CALML4: variants seen among roughly 807,000 people sequenced by gnomAD.
CALML4 encodes the protein calmodulin like 4.
CALML4 carries 16 observed loss-of-function variants against 17.9 expected under a neutral mutation model. That is an observed-to-expected ratio of 0.89 (90% CI 0.61 to 1.36). The LOEUF is 1.36. Ranked by LOEUF, CALML4 falls within the 40% of genes most tolerant of loss-of-function variation. The pLI, the probability that CALML4 is intolerant of heterozygous loss-of-function variation, is 0.00. For synonymous variants in CALML4, 86 were observed against 71.5 expected (o/e 1.20, Z -1.02); for missense variants, 203 against 194.8 (o/e 1.04, Z -0.25).
At chr15:68,201,650 C>CT (rs1350763544) in intron 2 of CALML4, among the ~76,000 whole-genome samples, 1 of 152,202 alleles carries the variant, frequency 6.6e-6, no homozygotes, top group African/African-American at 2.4e-5. Context: ...CTGTCAGTCA[C>CT]TGGGGGCCTG....
rs1324829884 is a variant in CALML4, at chr15:68,199,728, G to GC, written c.35-48dup. 3 of 1,570,990 alleles carry GC rather than the reference G, an allele frequency of 1.9e-6. No individual in the cohort carries two copies. The African/African-American group carries it at 4.1e-5, about 21-fold the overall frequency. On this transcript the variant is annotated intron_variant, in intron 2 of 4. Transcript: ENST00000467889. ...GGTCAGCAGCGTCTGGTCACTCTCC[G>GC]CCCATGCCGCCCTCCCCATCCTTAG...
At chr15:68,205,426 A>G (rs762710599), upstream of CALML4, 1 of 1,609,300 alleles carries the variant, frequency 6.2e-7, no homozygotes, top group Non-Finnish European at 8.5e-7. The surrounding 1 kb of genome is among the most constrained non-coding windows in gnomAD (Gnocchi z 4.8). Flanking sequence ...TCCTGAGCAC[A>G]GCTCATGACC....
rs534547176 is a variant in CALML4 at position 68,191,715 on chromosome 15, A to G, written c.*2300T>C. Reference sequence around the variant, plus strand: ...TTTAGTATCTGCAGTTTGAATGCTAAGAGCACCGTGGCCTTCTTGTAAACA... The same window carrying G: ...TTTAGTATCTGCAGTTTGAATGCTAGGAGCACCGTGGCCTTCTTGTAAACA... On this transcript the variant is annotated 3_prime_UTR_variant, in exon 5 of 5. Transcript: ENST00000467889. The G allele has an allele frequency of 8.5e-5, 13 of 152,514 alleles. No homozygotes were observed. Among genetic ancestry groups the G allele is most frequent in the African/African-American group, 2.9e-4 (12 of 41,596 alleles). 9.4% of individuals were successfully genotyped at this position (152,514 alleles called of 1,614,324 possible).
At chr15:68,202,586 G>A (rs1213302084) in intron 2 of CALML4, among the ~76,000 whole-genome samples, 1 of 151,408 alleles carries the variant, frequency 6.6e-6, no homozygotes, top group African/African-American at 2.4e-5. Context: ...GCAAGACTCT[G>A]TCTCAAATAA....
intron 3 of CALML4, chr15:68,198,476 TC>T (rs2093153526): frequency 6.6e-6 from 1 of 152,182 alleles, no homozygotes; most frequent in Non-Finnish European, 1.5e-5. Flanking sequence ...CGGATGCCCT[TC>T]CCCTGCGCCA....
chr15:68,193,379 CTG>C lies in CALML4; in HGVS notation c.*634_*635del, dbSNP rs1029199036. 6.6e-5 allele frequency: 10 copies of C among 152,400 alleles called. No individual in the cohort carries two copies. Among genetic ancestry groups the C allele is most frequent in the East Asian group, 1.9e-4 (1 of 5,210 alleles). The allele number at this position is 152,400 out of a possible 1,614,324, so 9.4% of individuals were successfully genotyped here. A position where few individuals can be genotyped will look rare whatever the true frequency, so the allele number is the denominator to read the frequency against. ...CACTCTAGTGTTTTCACTCTACACT[CTG>C]TGTTTATGAATGAATAGCCTGAGCT... On this transcript the variant is annotated 3_prime_UTR_variant, in exon 5 of 5. Coordinates refer to ENST00000467889, the MANE Select transcript of CALML4 (RefSeq NM_033429.3).
chr15:68,205,392 C>T (rs775632304), upstream of CALML4: 24 of 1,613,260 alleles, frequency 1.5e-5, no homozygotes, highest in East Asian at 2.7e-4. The surrounding 1 kb of genome is among the most constrained non-coding windows in gnomAD (Gnocchi z 4.8). Flanking sequence ...CTGGGCCCGA[C>T]GCCACCAGGG....
upstream of CALML4, chr15:68,205,719 CAG>C (rs1385429531): frequency 1.4e-5 from 4 of 288,248 alleles, no homozygotes; most frequent in Admixed American, 1.3e-4. The surrounding 1 kb of genome is among the most constrained non-coding windows in gnomAD (Gnocchi z 4.8). Flanking sequence ...CGGCCTAACT[CAG>C]AGATGGGCAC....
intron 2 of CALML4, among the ~76,000 whole-genome samples, chr15:68,201,582 G>T (rs938328551): frequency 1.3e-5 from 2 of 152,150 alleles, no homozygotes; most frequent in African/African-American, 4.8e-5. Context: ...CACACCCTTG[G>T]GGTCCAGAAT....
chr15:68,197,666 A>T lies in CALML4; in HGVS notation c.176-38T>A. 6.3e-7 allele frequency: 1 copy of T among 1,592,184 alleles called. No individual in the cohort carries two copies. Among genetic ancestry groups the T allele is most frequent in the East Asian group, 2.2e-5 (1 of 44,610 alleles). On this transcript the variant is annotated intron_variant, in intron 3 of 4. Transcript: ENST00000467889. This position sits in a 1 kb window ranked among gnomAD's most constrained non-coding sequence, Gnocchi z 4.1. ...CAAACACAGCAGAGTGAGCAGAGGG[A>T]AAAAGACTCCTAGGAAGCCAGCTGG... is the stretch of plus-strand genomic sequence containing the variant.
chr15:68,196,791 A>G (rs1251224274), intron 4 of CALML4, among the ~76,000 whole-genome samples: 1 of 152,134 alleles, frequency 6.6e-6, no homozygotes, highest in Admixed American at 6.5e-5. Flanking sequence ...AGGCTGCAGG[A>G]AGGTGCAAAG....
rs908251319 is a variant in CALML4, at chr15:68,200,962, C to T, written c.35-1281G>A. On this transcript the variant is annotated intron_variant, in intron 2 of 4. Transcript: ENST00000467889. The surrounding 1 kb of genome is among the most constrained non-coding windows in gnomAD (Gnocchi z 4.3). ...TCTGCCCACCAGGCCACACTGCCTT[C>T]GGTTCCAGGGCAGACACCACTGAGA... Among the ~76,000 whole-genome samples, 1 of 152,076 alleles carries T rather than the reference C, an allele frequency of 6.6e-6. No homozygotes were observed. Among genetic ancestry groups the T allele is most frequent in the East Asian group, 1.9e-4 (1 of 5,168 alleles).
chr15:68,201,595 G>C (rs1377771215), intron 2 of CALML4, among the ~76,000 whole-genome samples: 1 of 152,182 alleles, frequency 6.6e-6, no homozygotes, highest in Non-Finnish European at 1.5e-5. Context: ...TCCAGAATCA[G>C]CCTGGATCTG....
In CALML4 at chr15:68,191,849, A is replaced by G. The variant is rs924605326; in HGVS notation, c.*2166T>C. ...GGTAGAGGTTTGAATCAAACACTTA[A>G]TAGGATCTTAGACTCTGGACCACTG... On this transcript the variant is annotated 3_prime_UTR_variant, in exon 5 of 5. Coordinates refer to ENST00000467889, the MANE Select transcript of CALML4 (RefSeq NM_033429.3). 6.6e-6 allele frequency: 1 copy of G among 152,192 alleles called. No individual in the cohort carries two copies. 9.4% of individuals were successfully genotyped at this position (152,192 alleles called of 1,614,324 possible).
At position 68,191,122 on chromosome 15, in the gene CALML4, T is replaced by C. The variant is rs1042178815; in HGVS notation, c.*2893A>G. 4 of 152,584 alleles carry C rather than the reference T, an allele frequency of 2.6e-5. No homozygotes were observed. Among genetic ancestry groups the C allele is most frequent in the Non-Finnish European group, 5.9e-5 (4 of 68,038 alleles). The allele number at this position is 152,584 out of a possible 1,614,324, so 9.5% of individuals were successfully genotyped here. ...TCTGTTTTTTAATTAAATACAAAGC[T>C]TAGATTTCAGAAAGAGAGGGAAAAT... On this transcript the variant is annotated 3_prime_UTR_variant, in exon 5 of 5. Transcript: ENST00000467889.
rs898209847 is a variant in CALML4 at position 68,200,509 on chromosome 15, G to C, written c.35-828C>G. 3.2e-4 allele frequency among the ~76,000 whole-genome samples: 48 copies of C among 152,312 alleles called. No homozygotes were observed. Among genetic ancestry groups the C allele is most frequent in the South Asian group, 2.1e-4 (1 of 4,824 alleles). The stretch of plus-strand genomic sequence containing the variant: ...TGACACAGCCATCCCACGGGCTCCC[G>C]GCCCTGGGAGGCCCAGGAAGGCCAG... On this transcript the variant is annotated intron_variant, in intron 2 of 4. Transcript: ENST00000467889. This position sits in a 1 kb window ranked among gnomAD's most constrained non-coding sequence, Gnocchi z 4.3.
Position 68,197,783 on chromosome 15 carries a change from TCCCA to T in CALML4, c.176-159_176-156del. ...GTCACAGTGAAGAGGATGCATCCCC[TCCCA>T]CCGAGTTCCCACGACAGGCCCCTCA... On this transcript the variant is annotated intron_variant, in intron 3 of 4. Coordinates refer to ENST00000467889, the MANE Select transcript of CALML4 (RefSeq NM_033429.3). The surrounding 1 kb of genome is among the most constrained non-coding windows in gnomAD (Gnocchi z 4.1). The T allele has an allele frequency of 1.6e-6, 1 of 626,340 alleles. No individual in the cohort carries two copies. The allele number at this position is 626,340 out of a possible 1,614,324, so 38.8% of individuals were successfully genotyped here. A position where few individuals can be genotyped will look rare whatever the true frequency, so the allele number is the denominator to read the frequency against.
At chr15:68,203,540 A>G (rs1286905091) in intron 2 of CALML4, among the ~76,000 whole-genome samples, 2 of 152,250 alleles carry the variant, frequency 1.3e-5, no homozygotes, top group East Asian at 3.8e-4. Context: ...ACATTATTTA[A>G]TAATGGCTGG....
chr15:68,199,029 G>A (rs537215067), intron 3 of CALML4, among the ~76,000 whole-genome samples: 5 of 152,108 alleles, frequency 3.3e-5, no homozygotes, highest in South Asian at 4.1e-4. Flanking sequence ...AGGCGTGGTG[G>A]CAGGCACCTG....
Sources: gnomAD v4.1 joint callset for allele counts (sites outside exome capture counted in the v4.1 genomes callset) on GRCh38, gnomAD v4.1.1 for gene constraint, Gnocchi (gnomAD v3.1) non-coding constraint, MANE v1.5 for transcripts, NCBI Gene and HGNC (gene_info 2026-07-23, HGNC 2026-07-21) for gene names.